MAML3: variants seen among roughly 807,000 people sequenced by gnomAD.
MAML3 encodes the protein mastermind like transcriptional coactivator 3.
MAML3 carries 27 observed loss-of-function variants against 101.9 expected under a neutral mutation model. The ratio of observed to expected loss-of-function variants is 0.27; its 90% CI spans 0.20 to 0.37. MAML3 has a LOEUF of 0.37. Ranked by LOEUF, MAML3 falls within the 10% of genes least tolerant of loss-of-function variation. MAML3 has a pLI of 1.00. For missense variants in MAML3, 1,316 were observed against 1,444.9 expected (o/e 0.91, Z 1.45); for synonymous variants, 501 against 555.9 (o/e 0.90, Z 1.39).
intron 1 of MAML3, among the ~76,000 whole-genome samples, chr4:139,927,382 G>A (rs1395788913): frequency 6.6e-6 from 1 of 152,158 alleles, no homozygotes; most frequent in African/African-American, 2.4e-5. Context: ...GTTTATGCTG[G>A]TTTTTTCACT....
At chr4:139,941,108 G>C (rs886552496) in intron 1 of MAML3, among the ~76,000 whole-genome samples, 1 of 152,136 alleles carries the variant, frequency 6.6e-6, no homozygotes, top group African/African-American at 2.4e-5. Context: ...AGTTAGTACT[G>C]TTAGTTTTCA....
chr4:139,978,101 G>A (rs1353713410), intron 1 of MAML3, among the ~76,000 whole-genome samples: 1 of 152,112 alleles, frequency 6.6e-6, no homozygotes, highest in Non-Finnish European at 1.5e-5. Context: ...GTCAGTTTCA[G>A]AGCTTGGATT....
At chr4:140,144,825 T>C (rs1729030177) in intron 1 of MAML3, among the ~76,000 whole-genome samples, 1 of 152,236 alleles carries the variant, frequency 6.6e-6, no homozygotes, top group African/African-American at 2.4e-5. Context: ...CTCTCTCCTC[T>C]GATATCCATT....
At chr4:139,938,295 C>T (rs557474929) in intron 1 of MAML3, among the ~76,000 whole-genome samples, 17 of 152,240 alleles carry the variant, frequency 1.1e-4, no homozygotes, top group African/African-American at 3.6e-4. Flanking sequence ...TCCTACAAGT[C>T]GGGGAGACCC....
intron 1 of MAML3, among the ~76,000 whole-genome samples, chr4:140,102,332 G>A (rs1403718541): frequency 6.6e-6 from 1 of 152,154 alleles, no homozygotes; most frequent in Non-Finnish European, 1.5e-5. Context: ...TGCTATTGCT[G>A]CCGTAAGAAA....
chr4:139,885,954 AAAAG>A (rs1487416845), intron 2 of MAML3, among the ~76,000 whole-genome samples: 196 of 143,050 alleles, frequency 1.4e-3, no homozygotes, highest in Non-Finnish European at 2.5e-3. Flanking sequence ...AAAAAAAAAA[AAAAG>A]AAAGAGAAAA....
At chr4:139,884,982 C>A (rs960622272) in intron 2 of MAML3, among the ~76,000 whole-genome samples, 6 of 152,126 alleles carry the variant, frequency 3.9e-5, no homozygotes, top group Non-Finnish European at 5.9e-5. Flanking sequence ...CGGAAAAAAA[C>A]CAGATGTGAC....
Position 140,031,902 on chromosome 4 carries a change from C to T in MAML3, c.468+120958G>A, listed in dbSNP as rs541588308. On this transcript the variant is annotated intron_variant, in intron 1 of 4. Transcript: ENST00000509479. Reference sequence around the variant, plus strand: ...AATTCTCCTACGTTTCTATTTCCAGCCTTGCCTTCTCCCTCACCCCCAACT... The same window carrying T: ...AATTCTCCTACGTTTCTATTTCCAGTCTTGCCTTCTCCCTCACCCCCAACT... 3.3e-5 allele frequency among the ~76,000 whole-genome samples: 5 copies of T among 152,306 alleles called. No homozygotes were observed. The East Asian group carries it at 9.7e-4, about 29-fold the overall frequency.
intron 2 of MAML3, among the ~76,000 whole-genome samples, chr4:139,734,904 G>A (rs535896068): frequency 1.3e-5 from 2 of 152,368 alleles, no homozygotes; most frequent in Non-Finnish European, 2.9e-5. Flanking sequence ...AGGACGCCCA[G>A]GGCTTCAGCC....
intron 2 of MAML3, among the ~76,000 whole-genome samples, chr4:139,753,859 C>A (rs1729586047): frequency 1.3e-5 from 2 of 152,206 alleles, no homozygotes; most frequent in South Asian, 4.1e-4. Flanking sequence ...TCAAGGAACT[C>A]CTACATCAGA....
At position 139,719,413 on chromosome 4, in the gene MAML3, C is replaced by G. The variant is rs764758618; in HGVS notation, c.3327G>C (p.Pro1109=). 3.7e-6 allele frequency: 6 copies of G among 1,614,008 alleles called. No individual in the cohort carries two copies. Among genetic ancestry groups the G allele is most frequent in the Non-Finnish European group, 5.1e-6 (6 of 1,179,894 alleles). The change falls in exon 5 of 5, where the codon CCG becomes CCC. Residue 1109 remains proline (P), a synonymous_variant. Transcript: ENST00000509479. ...TGGAGTCCACAAGGTCTGCACCGTC[C>G]GGGAGGCCAGGGAAGGAACCCCCAG... ...DGAGGSFPGL[P]DGADLVDSII... is the part of the protein sequence containing the mutation.
At chr4:139,810,097 A>G (rs1404676254) in intron 2 of MAML3, among the ~76,000 whole-genome samples, 5 of 151,480 alleles carry the variant, frequency 3.3e-5, no homozygotes, top group Admixed American at 1.3e-4. Flanking sequence ...TCTAGCGAAA[A>G]ATACATTTTT....
intron 2 of MAML3, among the ~76,000 whole-genome samples, chr4:139,835,980 AG>A (rs1731249889): frequency 6.6e-6 from 1 of 152,146 alleles, no homozygotes; most frequent in Non-Finnish European, 1.5e-5. Context: ...GTGCCTGGTG[AG>A]GGGTCTGGGG....
chr4:140,004,859 A>G (rs190023363), intron 1 of MAML3, among the ~76,000 whole-genome samples: 153 of 151,928 alleles, frequency 1.0e-3, no homozygotes, highest in African/African-American at 3.5e-3. Context: ...TTTTTTTAAC[A>G]TAAGAAATAA....
intron 2 of MAML3, among the ~76,000 whole-genome samples, chr4:139,788,668 C>T (rs1730348717): frequency 6.6e-6 from 1 of 152,186 alleles, no homozygotes. Context: ...GGCCAAGAAA[C>T]TAAGTTTTGG....
intron 1 of MAML3, among the ~76,000 whole-genome samples, chr4:140,084,607 T>C (rs1261833277): frequency 6.6e-6 from 1 of 152,114 alleles, no homozygotes; most frequent in African/African-American, 2.4e-5. Context: ...ACCACTTTAT[T>C]CCTAATATTC....
rs777264403 is a variant in MAML3 at position 139,779,927 on chromosome 4, C to A, written c.2080-49260G>T. On this transcript the variant is annotated intron_variant, in intron 2 of 4. Transcript: ENST00000509479. ...GATCAGTCTTCGTTATGTTGTAGGG[C>A]GCAAGCCATATGCTGCTACTGTAAG... 3.3e-5 allele frequency among the ~76,000 whole-genome samples: 5 copies of A among 152,290 alleles called. No homozygotes were observed. In the East Asian group the frequency reaches 7.7e-4, roughly 24 times the overall value.
chr4:139,985,742 A>T (rs1286237609), intron 1 of MAML3, among the ~76,000 whole-genome samples: 1 of 152,278 alleles, frequency 6.6e-6, no homozygotes, highest in East Asian at 1.9e-4. Flanking sequence ...CACCACACAC[A>T]TGGCCATATT....
At position 139,735,842 on chromosome 4, in the gene MAML3, G is replaced by A. The variant is rs1299078934; in HGVS notation, c.2080-5175C>T. Among the ~76,000 whole-genome samples, 2 of 151,990 alleles carry A rather than the reference G, an allele frequency of 1.3e-5. No homozygotes were observed. The highest frequency in any genetic ancestry group is 2.9e-5 in the Non-Finnish European group (2 of 67,968). On this transcript the variant is annotated intron_variant, in intron 2 of 4. Transcript: ENST00000509479. The surrounding 1 kb of genome is among the most constrained non-coding windows in gnomAD (Gnocchi z 5.8). Reference sequence around the variant, plus strand: ...ACAAAGAAGCCCACGAGGCGGTCCCGGGCGCGGGCAGGGGCGGTGCGGCGG... The same window carrying A: ...ACAAAGAAGCCCACGAGGCGGTCCCAGGCGCGGGCAGGGGCGGTGCGGCGG...
Sources: gnomAD v4.1 joint callset for allele counts (sites outside exome capture counted in the v4.1 genomes callset) on GRCh38, gnomAD v4.1.1 for gene constraint, Gnocchi (gnomAD v3.1) non-coding constraint, MANE v1.5 for transcripts, NCBI Gene and HGNC (gene_info 2026-07-23, HGNC 2026-07-21) for gene names.